The following PRIMA1 variants were observed in gnomAD, a reference collection of about 807,000 sequenced individuals.
The protein encoded by PRIMA1 is proline-rich membrane anchor 1.
A neutral mutation model predicts 17.5 loss-of-function variants in PRIMA1; 7 were observed. The observed-to-expected ratio is 0.40, with a 90% CI of 0.23 to 0.75. The LOEUF (loss-of-function observed/expected upper bound fraction) is 0.75, where lower values mean the gene tolerates loss of function less well. Ranked by LOEUF, PRIMA1 falls within the 30% of genes least tolerant of loss-of-function variation. The pLI is 0.37. For synonymous variants in PRIMA1, 97 were observed against 77.9 expected, an observed-to-expected ratio of 1.25 and a Z score of -1.29; for missense variants, 200 against 201.8, an observed-to-expected ratio of 0.99 and a Z score of 0.05.
At chr14:93,735,470 A>C (rs538034045) in intron 4 of PRIMA1, among the ~76,000 whole-genome samples, 1 of 152,100 alleles carries the variant, frequency 6.6e-6, no homozygotes, top group East Asian at 1.9e-4. Flanking sequence ...CAAATGCTTT[A>C]TGGTCCAGAT....
At chr14:93,727,311 G>T (rs1206948560) in intron 4 of PRIMA1, among the ~76,000 whole-genome samples, 1 of 152,230 alleles carries the variant, frequency 6.6e-6, no homozygotes, top group Non-Finnish European at 1.5e-5. Flanking sequence ...TCACAGGCGT[G>T]ACTCTCTCTC....
At chr14:93,756,865 C>G (rs1250218770) in intron 3 of PRIMA1, among the ~76,000 whole-genome samples, 1 of 152,180 alleles carries the variant, frequency 6.6e-6, no homozygotes, top group African/African-American at 2.4e-5. Flanking sequence ...AATCCAGCAG[C>G]AAGTCCCCTT....
chr14:93,720,031 A>T lies in PRIMA1; in HGVS notation c.*1413T>A, dbSNP rs1187302978. The T allele has an allele frequency of 6.6e-6, 1 of 152,258 alleles. No homozygotes were observed. Among genetic ancestry groups the T allele is most frequent in the Non-Finnish European group, 1.5e-5 (1 of 68,068 alleles). The allele number at this position is 152,258 out of a possible 1,614,324, so 9.4% of individuals were successfully genotyped here. On this transcript the variant is annotated 3_prime_UTR_variant, in exon 5 of 5. Coordinates refer to ENST00000393140, the MANE Select transcript of PRIMA1 (RefSeq NM_178013.4). ...GACTTCAAAGTCTCACCTGTAGCTT[A>T]AACACCTATCAGAGGAGCACACTGG...
In PRIMA1 at chr14:93,720,379, C is replaced by G. The variant is rs887283893; in HGVS notation, c.*1065G>C. ...CTTCTATAGCATGAGACTGTGGAAA[C>G]AGACATTGAAAGGAAGACCCTGGAA... is the stretch of plus-strand genomic sequence containing the variant. On this transcript the variant is annotated 3_prime_UTR_variant, in exon 5 of 5. Transcript: ENST00000393140. 1.3e-5 allele frequency: 2 copies of G among 152,322 alleles called. No homozygotes were observed. The highest frequency in any genetic ancestry group is 2.4e-5 in the African/African-American group (1 of 41,464). The allele number at this position is 152,322 out of a possible 1,614,324, so 9.4% of individuals were successfully genotyped here.
chr14:93,774,267 G>A (rs1453506152), intron 3 of PRIMA1, among the ~76,000 whole-genome samples: 1 of 152,206 alleles, frequency 6.6e-6, no homozygotes, highest in Non-Finnish European at 1.5e-5. Context: ...CTGGGGCACA[G>A]GACCTTCGGG....
At position 93,737,390 on chromosome 14, in the gene PRIMA1, C is replaced by G. The variant is rs777667290; in HGVS notation, c.230-20G>C. The G allele has an allele frequency of 9.3e-6, 15 of 1,611,570 alleles. No homozygotes were observed. The highest frequency in any genetic ancestry group is 3.4e-5 in the Admixed American group (2 of 59,594). On this transcript the variant is annotated intron_variant, in intron 3 of 4. Transcript: ENST00000393140. ...TGGGAGCTGAAAAAGACAGGAGCAG[C>G]CTGAGTGTCACCTGGATGAGCTGGT...
At position 93,726,727 on chromosome 14, in the gene PRIMA1, A is replaced by G. The variant is rs1197352299; in HGVS notation, c.360-5181T>C. Among the ~76,000 whole-genome samples the G allele has an allele frequency of 6.6e-6, 1 of 152,034 alleles. No homozygotes were observed. The highest frequency in any genetic ancestry group is 1.9e-4 in the East Asian group (1 of 5,188). The stretch of plus-strand genomic sequence containing the variant: ...CATACAAACATGTACTTACACACAC[A>G]CATATATGTACACACAGGCACATAC... On this transcript the variant is annotated intron_variant, in intron 4 of 4. Transcript: ENST00000393140. This position sits in a 1 kb window ranked among gnomAD's most constrained non-coding sequence, Gnocchi z 4.2.
chr14:93,748,135 T>A lies in PRIMA1; in HGVS notation c.230-10765A>T, dbSNP rs146014598. On this transcript the variant is annotated intron_variant, in intron 3 of 4. Transcript: ENST00000393140. ...GTGTGTGAATGAGTGTGCATGAGTG[T>A]GAGAGACTGTGTGAGTGCTGATGGC... 1.0e-3 allele frequency among the ~76,000 whole-genome samples: 155 copies of A among 152,048 alleles called. 1 individual carries two copies. The highest frequency in any genetic ancestry group is 3.6e-3 in the African/African-American group (151 of 41,470).
At chr14:93,762,435 C>T (rs1257098857) in intron 3 of PRIMA1, among the ~76,000 whole-genome samples, 1 of 152,000 alleles carries the variant, frequency 6.6e-6, no homozygotes, top group Non-Finnish European at 1.5e-5. Flanking sequence ...AATCCCAGGC[C>T]CACTCCAGGG....
At chr14:93,781,226 C>T (rs1291647650) in intron 2 of PRIMA1, among the ~76,000 whole-genome samples, 1 of 152,220 alleles carries the variant, frequency 6.6e-6, no homozygotes, top group Non-Finnish European at 1.5e-5. Flanking sequence ...AAGAGCATGC[C>T]GTCTGATGGT....
intron 3 of PRIMA1, among the ~76,000 whole-genome samples, chr14:93,748,354 G>A (rs2076239434): frequency 6.6e-6 from 1 of 152,152 alleles, no homozygotes; most frequent in Admixed American, 6.5e-5. Context: ...TAGACACAAA[G>A]CAGGCAAGTC....
chr14:93,777,790 G>GTTGAGATT (rs1885263537), intron 3 of PRIMA1, among the ~76,000 whole-genome samples: 3 of 152,232 alleles, frequency 2.0e-5, no homozygotes, highest in Admixed American at 2.0e-4. Context: ...CCCTGGGAGG[G>GTTGAGATT]CTGAGATTCC....
intron 3 of PRIMA1, among the ~76,000 whole-genome samples, chr14:93,744,176 C>T (rs2076201729): frequency 6.6e-6 from 1 of 152,230 alleles, no homozygotes; most frequent in Non-Finnish European, 1.5e-5. Context: ...GAACTGCCCC[C>T]CAAAGCACCA....
chr14:93,740,208 C>T (rs895957546), intron 3 of PRIMA1, among the ~76,000 whole-genome samples: 1 of 152,152 alleles, frequency 6.6e-6, no homozygotes, highest in Non-Finnish European at 1.5e-5. Context: ...CAGAATATAG[C>T]ATTGAAAATA....
chr14:93,721,262 G>A lies in PRIMA1; in HGVS notation c.*182C>T. 1.7e-6 allele frequency: 1 copy of A among 573,248 alleles called. No homozygotes were observed. Among genetic ancestry groups the A allele is most frequent in the Non-Finnish European group, 3.1e-6 (1 of 322,810 alleles). 35.5% of individuals were successfully genotyped at this position (573,248 alleles called of 1,614,324 possible). A position where few individuals can be genotyped will look rare whatever the true frequency, so the allele number is the denominator to read the frequency against. On this transcript the variant is annotated 3_prime_UTR_variant, in exon 5 of 5. Transcript: ENST00000393140. The stretch of plus-strand genomic sequence containing the variant: ...GCTCAGCCTGGTGTCCGAGCTGCCT[G>A]GGCCCGCAGGCTGACCAGGGGCAAG...
At chr14:93,770,280 G>C (rs908843788) in intron 3 of PRIMA1, among the ~76,000 whole-genome samples, 7 of 152,172 alleles carry the variant, frequency 4.6e-5, no homozygotes, top group South Asian at 2.1e-4. Flanking sequence ...TAAAGTGCAC[G>C]TGAGGGCATG....
intron 4 of PRIMA1, among the ~76,000 whole-genome samples, chr14:93,733,899 G>C (rs192626414): frequency 5.9e-5 from 9 of 152,296 alleles, no homozygotes; most frequent in Middle Eastern, 6.8e-3. Flanking sequence ...TCAGCGCCTG[G>C]GGGGGCAGTG....
chr14:93,758,677 G>A (rs1027330287), intron 3 of PRIMA1, among the ~76,000 whole-genome samples: 9 of 151,988 alleles, frequency 5.9e-5, no homozygotes, highest in African/African-American at 2.2e-4. Flanking sequence ...AAGCCCTGAT[G>A]AAGGACACAG....
chr14:93,776,842 C>T (rs184952909), intron 3 of PRIMA1, among the ~76,000 whole-genome samples: 73 of 152,350 alleles, frequency 4.8e-4, no homozygotes, highest in Admixed American at 1.0e-3. Flanking sequence ...TTTCACATCT[C>T]TCTACCGCTT....
Sources: gnomAD v4.1 joint callset for allele counts (sites outside exome capture counted in the v4.1 genomes callset) on GRCh38, gnomAD v4.1.1 for gene constraint, Gnocchi (gnomAD v3.1) non-coding constraint, MANE v1.5 for transcripts, NCBI Gene and HGNC (gene_info 2026-07-23, HGNC 2026-07-21) for gene names.